OPHN1: variants seen among roughly 807,000 people sequenced by gnomAD.
OPHN1 encodes the protein oligophrenin 1, also known as oligophrenin-1.
Under a neutral mutation model 60.7 loss-of-function variants are expected in OPHN1, and 11 were observed. The ratio of observed to expected loss-of-function variants is 0.18; its 90% confidence interval spans 0.11 to 0.30. OPHN1 has a LOEUF of 0.30. Among genes scored for constraint, OPHN1 ranks in the 10% least tolerant of loss-of-function variants. The pLI is 1.00. For missense variants in OPHN1, 449 were observed against 611.0 expected (o/e 0.73, Z 2.80); for synonymous variants, 226 against 222.6 (o/e 1.02, Z -0.14).
chrX:68,288,063 T>C (rs991469234), intron 3 of OPHN1, among the ~76,000 whole-genome samples: 3 of 111,847 alleles, frequency 2.7e-5, no homozygotes, highest in African/African-American at 9.7e-5. Flanking sequence ...ATGAGTACAT[T>C]TATTGCTTGA....
At chrX:68,253,167 T>C (rs1480263598) in intron 5 of OPHN1, among the ~76,000 whole-genome samples, 1 of 111,917 alleles carries the variant, frequency 8.9e-6, no homozygotes, top group Non-Finnish European at 1.9e-5. Context: ...TCAGCTAGGC[T>C]CTAGTCTTGG....
Position 68,389,928 on chromosome X carries a change from A to G in OPHN1, c.154+42939T>C, listed in dbSNP as rs372345474. ...CTTGAGACTGGGTAATTTATAAAGGAAAGAGGTTTAATTGACTCACAGTTC... is the reference window on the plus strand; with the variant it reads ...CTTGAGACTGGGTAATTTATAAAGGGAAGAGGTTTAATTGACTCACAGTTC... On this transcript the variant is annotated intron_variant, in intron 2 of 24. Coordinates refer to ENST00000355520, the MANE Select transcript of OPHN1 (RefSeq NM_002547.3). Among the ~76,000 whole-genome samples the G allele has an allele frequency of 2.4e-4, 27 of 111,847 alleles. 1 individual carries two copies. The East Asian group carries it at 4.2e-3, about 17-fold the overall frequency.
At chrX:68,078,427 AC>A (rs1020613776) in intron 19 of OPHN1, among the ~76,000 whole-genome samples, 9 of 112,108 alleles carry the variant, frequency 8.0e-5, no homozygotes, top group South Asian at 3.7e-4. Flanking sequence ...TTCTAAAAAA[AC>A]GTTTTGAAAA....
chrX:68,258,539 T>G (rs2077877638), intron 5 of OPHN1, among the ~76,000 whole-genome samples: 1 of 107,019 alleles, frequency 9.3e-6, no homozygotes, highest in Non-Finnish European at 1.9e-5. Context: ...TTGCGATAGT[T>G]TGCTGAGAAT....
intron 16 of OPHN1, among the ~76,000 whole-genome samples, chrX:68,116,878 T>C (rs188661907): frequency 2.7e-5 from 3 of 111,208 alleles, no homozygotes; most frequent in Non-Finnish European, 1.9e-5. Context: ...TGAATATGCT[T>C]ACTTCTAGGA....
chrX:68,123,778 A>T (rs2077159049), intron 15 of OPHN1, among the ~76,000 whole-genome samples: 1 of 111,341 alleles, frequency 9.0e-6, no homozygotes, highest in African/African-American at 3.3e-5. Flanking sequence ...AAATCATACC[A>T]CTAGAGAAAA....
At chrX:68,232,440 C>G (rs935884805) in intron 6 of OPHN1, among the ~76,000 whole-genome samples, 1 of 111,437 alleles carries the variant, frequency 9.0e-6, no homozygotes, top group African/African-American at 3.3e-5. Context: ...TTTAATTCTT[C>G]CTTCAACAAG....
intron 20 of OPHN1, among the ~76,000 whole-genome samples, chrX:68,072,535 T>C (rs1181949618): frequency 1.8e-5 from 2 of 111,424 alleles, no homozygotes; most frequent in Non-Finnish European, 3.8e-5. Context: ...GTCAACTGTG[T>C]CAGATGCTAC....
intron 2 of OPHN1, 94 bp from the exon 3 acceptor site, chrX:68,299,190 G>A: frequency 1.8e-6 from 1 of 560,683 alleles, no homozygotes; most frequent in Non-Finnish European, 3.0e-6. Flanking sequence ...AAAACCAAAG[G>A]TAAGTGCTCT....
chrX:68,386,117 G>A (rs1215780460), intron 2 of OPHN1, among the ~76,000 whole-genome samples: 2 of 111,722 alleles, frequency 1.8e-5, no homozygotes, highest in African/African-American at 6.5e-5. Flanking sequence ...TCTGCTACTC[G>A]TCAACCCAAA....
chrX:68,159,869 GGAACA>G (rs2077326522), intron 15 of OPHN1, among the ~76,000 whole-genome samples: 1 of 110,291 alleles, frequency 9.1e-6, no homozygotes, highest in African/African-American at 3.3e-5. Context: ...GAGGAACAGA[GGAACA>G]GAAAAGATTA....
chrX:68,124,428 G>C (rs764803108), intron 15 of OPHN1, among the ~76,000 whole-genome samples: 1 of 110,707 alleles, frequency 9.0e-6, no homozygotes, highest in African/African-American at 3.3e-5. Context: ...TAAAAGGAGA[G>C]GTAGATTTCA....
intron 5 of OPHN1, among the ~76,000 whole-genome samples, chrX:68,235,560 G>A (rs1035519656): frequency 1.8e-5 from 2 of 110,525 alleles, no homozygotes; most frequent in Admixed American, 1.9e-4. Flanking sequence ...GCTTTTGGCC[G>A]GGCACAGTGG....
intron 2 of OPHN1, among the ~76,000 whole-genome samples, chrX:68,328,959 C>A (rs192871678): frequency 8.9e-6 from 1 of 112,169 alleles, no homozygotes; most frequent in East Asian, 2.8e-4. Flanking sequence ...CTCTTGTTGC[C>A]CAGGCTGGAG....
At chrX:68,188,814 T>A (rs2077474689) in intron 15 of OPHN1, among the ~76,000 whole-genome samples, 1 of 111,924 alleles carries the variant, frequency 8.9e-6, no homozygotes, top group Non-Finnish European at 1.9e-5. Context: ...ATGCTAAAGT[T>A]AAGTCTCCAG....
intron 2 of OPHN1, among the ~76,000 whole-genome samples, chrX:68,340,633 C>T (rs1464079147): frequency 9.0e-6 from 1 of 111,516 alleles, no homozygotes; most frequent in Non-Finnish European, 1.9e-5. Flanking sequence ...ATCTCTTGAC[C>T]TTGGACTAAG....
At chrX:68,118,645 T>A (rs1468479227) in intron 16 of OPHN1, among the ~76,000 whole-genome samples, 1 of 112,199 alleles carries the variant, frequency 8.9e-6, no homozygotes, top group African/African-American at 3.2e-5. Flanking sequence ...ACCTTTTGCA[T>A]AATATAAATT....
chrX:68,322,490 A>G (rs1827156731), intron 2 of OPHN1, among the ~76,000 whole-genome samples: 1 of 112,102 alleles, frequency 8.9e-6, no homozygotes, highest in African/African-American at 3.2e-5. Flanking sequence ...ATACTATTCA[A>G]TAGTTGCACC....
chrX:68,357,527 T>A (rs1439449677), intron 2 of OPHN1, among the ~76,000 whole-genome samples: 1 of 110,078 alleles, frequency 9.1e-6, no homozygotes, highest in Non-Finnish European at 1.9e-5. Flanking sequence ...CTTGCGATAG[T>A]TTGCTGAGAA....
Sources: allele counts gnomAD v4.1 joint callset (sites outside exome capture counted in the v4.1 genomes callset), GRCh38; gene constraint gnomAD v4.1.1; transcripts MANE v1.5; gene names NCBI Gene and HGNC (gene_info 2026-07-23, HGNC 2026-07-21).